The following ESR2 variants were observed in gnomAD, a reference collection of about 807,000 sequenced individuals.
ESR2 encodes the protein estrogen receptor beta.
Under a neutral mutation model 49.6 loss-of-function variants are expected in ESR2, and 36 were observed. The observed-to-expected ratio is 0.73, with a 90% CI of 0.56 to 0.96. The LOEUF is 0.96. ESR2 is among the 40% of genes least tolerant of loss of function. The probability of loss-of-function intolerance (pLI) is 0.00; values close to 1 mark genes in which losing one functional copy is unlikely to be tolerated. For synonymous variants in ESR2, 320 were observed against 266.1 expected (o/e 1.20, Z -1.97); for missense variants, 714 against 693.0 (o/e 1.03, Z -0.34).
upstream of ESR2, among the ~76,000 whole-genome samples, chr14:64,294,695 C>T (rs1037146653): frequency 1.3e-5 from 2 of 152,230 alleles, no homozygotes; most frequent in Admixed American, 6.5e-5. Context: ...GGATCACGTC[C>T]TCAGCCCCTG....
At chr14:64,236,034 G>C (rs1193915938) in intron 7 of ESR2, among the ~76,000 whole-genome samples, 1 of 152,248 alleles carries the variant, frequency 6.6e-6, no homozygotes, top group African/African-American at 2.4e-5. Context: ...CAACCAGGGA[G>C]CTGCTGAGTC....
At chr14:64,324,638 T>C (rs1212253816) in intron 1 of ESR2, among the ~76,000 whole-genome samples, 1 of 152,216 alleles carries the variant, frequency 6.6e-6, no homozygotes, top group African/African-American at 2.4e-5. Flanking sequence ...TTCATAAAGA[T>C]GATACAGCTG....
chr14:64,331,930 A>T (rs1467233256), intron 1 of ESR2, among the ~76,000 whole-genome samples: 1 of 151,940 alleles, frequency 6.6e-6, no homozygotes, highest in Non-Finnish European at 1.5e-5. Context: ...AAAAAAAATC[A>T]TGGTGTGTCA....
At chr14:64,284,278 A>G (rs1451045705) in intron 1 of ESR2, among the ~76,000 whole-genome samples, 2 of 151,436 alleles carry the variant, frequency 1.3e-5, no homozygotes, top group Non-Finnish European at 2.9e-5. Flanking sequence ...AAAAAACAGA[A>G]TTTTTGTATG....
rs751392863 is a variant in ESR2, at chr14:64,268,877, C to T, written c.570G>A (p.Gln190=). ...TGCGCCGGTTTTTATCGATTGTACA[C>T]TGATTTGTAGCTGGACAAATATAAT... ...HNDYICPATN[Q]CTIDKNRRKS... The change falls in exon 4 of 9, where the codon CAG becomes CAA. Residue 190 remains glutamine, a synonymous_variant. Transcript: ENST00000341099. The T allele has an allele frequency of 3.1e-6, 5 of 1,613,128 alleles. No homozygotes were observed. Among genetic ancestry groups the T allele is most frequent in the Non-Finnish European group, 4.2e-6 (5 of 1,179,114 alleles).
chr14:64,292,739 CTTA>C (rs2076892981), intron 1 of ESR2, among the ~76,000 whole-genome samples: 1 of 151,960 alleles, frequency 6.6e-6, no homozygotes, highest in South Asian at 2.1e-4. Context: ...AAATTTCCTT[CTTA>C]TTCTTAAAAG....
chr14:64,233,415 C>T, intron 8 of ESR2, 92 bp from the exon 9 acceptor site: 1 of 1,251,958 alleles, frequency 8.0e-7, no homozygotes, highest in Non-Finnish European at 1.1e-6. Flanking sequence ...CAGAGCCAGT[C>T]TACCCCACCC....
intron 7 of ESR2, among the ~76,000 whole-genome samples, chr14:64,248,225 T>C (rs2075907478): frequency 6.6e-6 from 1 of 151,356 alleles, no homozygotes; most frequent in South Asian, 2.1e-4. Flanking sequence ...AGATACAGAC[T>C]GTGCACAGTG....
intron 1 of ESR2, among the ~76,000 whole-genome samples, chr14:64,293,011 A>C (rs1322619569): frequency 1.3e-5 from 2 of 152,226 alleles, no homozygotes; most frequent in African/African-American, 4.8e-5. Flanking sequence ...TCATCTAAAA[A>C]AATGCTTGAA....
In ESR2 at chr14:64,229,962, G is replaced by A. The variant is rs546535256; in HGVS notation, c.*3175C>T. On this transcript the variant is annotated 3_prime_UTR_variant, in exon 9 of 9. Coordinates refer to ENST00000341099, the MANE Select transcript of ESR2 (RefSeq NM_001437.3). ...GGGAGGCCTTGGCAGGCAGATCGCTGGAGCCCAGGAGTTCAGGACCAGCCT... is the reference window on the plus strand; with the variant it reads ...GGGAGGCCTTGGCAGGCAGATCGCTAGAGCCCAGGAGTTCAGGACCAGCCT... Among the ~76,000 whole-genome samples the A allele has an allele frequency of 6.6e-6, 1 of 152,212 alleles. No homozygotes were observed. The highest frequency in any genetic ancestry group is 2.1e-4 in the South Asian group (1 of 4,818).
chr14:64,237,563 G>A (rs1408987451), intron 7 of ESR2, among the ~76,000 whole-genome samples: 2 of 152,152 alleles, frequency 1.3e-5, no homozygotes, highest in African/African-American at 2.4e-5. Flanking sequence ...AAGTGACAAA[G>A]ATTGAAAATA....
At chr14:64,273,752 T>C (rs1484203125) in intron 3 of ESR2, among the ~76,000 whole-genome samples, 2 of 152,182 alleles carry the variant, frequency 1.3e-5, no homozygotes, top group Non-Finnish European at 2.9e-5. Context: ...TGGTCTGTCA[T>C]ATTCTTTTGA....
chr14:64,290,387 T>G (rs968259835), intron 1 of ESR2, among the ~76,000 whole-genome samples: 1 of 150,804 alleles, frequency 6.6e-6, no homozygotes, highest in Non-Finnish European at 1.5e-5. Flanking sequence ...TATCTTTAAA[T>G]GTATTCTTAT....
In ESR2 at chr14:64,260,743, G is replaced by A. The variant is rs2076203572; in HGVS notation, c.658C>T (p.Arg220Trp). 5 of 1,480,414 alleles carry A rather than the reference G, an allele frequency of 3.4e-6. No individual in the cohort carries two copies. The South Asian group carries it at 4.3e-5, about 13-fold the overall frequency. The allele number at this position is 1,480,414 out of a possible 1,614,324, so 91.7% of individuals were successfully genotyped here. ...YEVGMVKCGS[R>W]RERCGYRLVR... ...AGGCGGTACCCACATCTCTCTCTCCGGGAGCCTGAAGAGGAAAGCAGAGTC... is the reference window on the plus strand; with the variant it reads ...AGGCGGTACCCACATCTCTCTCTCCAGGAGCCTGAAGAGGAAAGCAGAGTC... The change falls in exon 5 of 9, where the codon CGG becomes TGG. Residue 220 changes from arginine to tryptophan, a missense_variant. Physicochemically the swap from Arg to Trp is moderately radical, Grantham distance 101. Coordinates refer to ENST00000341099, the MANE Select transcript of ESR2 (RefSeq NM_001437.3).
At chr14:64,291,677 C>A (rs1389195015) in intron 1 of ESR2, among the ~76,000 whole-genome samples, 1 of 152,142 alleles carries the variant, frequency 6.6e-6, no homozygotes, top group Non-Finnish European at 1.5e-5. Context: ...ATCTAGACTT[C>A]AAGACATGAG....
chr14:64,280,029 C>A lies in ESR2; in HGVS notation c.487G>T (p.Val163Phe). The A allele has an allele frequency of 1.9e-6, 3 of 1,614,196 alleles. No homozygotes were observed. The highest frequency in any genetic ancestry group is 1.7e-6 in the Non-Finnish European group (2 of 1,180,004). Reference protein sequence around the residue: ...SDYASGYHYGVWSCEGCKAFF... With the variant: ...SDYASGYHYGFWSCEGCKAFF... ...GCCTTACATCCTTCACACGACCAGACTCCATAGTGATATCCCGATGCGTAA... is the reference window on the plus strand; with the variant it reads ...GCCTTACATCCTTCACACGACCAGAATCCATAGTGATATCCCGATGCGTAA... Residue 163 changes from valine (V) to phenylalanine (F), a missense_variant, in exon 3 of 9, where the codon GTC becomes TTC. Physicochemically the swap from Val to Phe is conservative, Grantham distance 50. Transcript: ENST00000341099.
At chr14:64,281,459 A>C (rs1356320632) in intron 2 of ESR2, among the ~76,000 whole-genome samples, 1 of 152,142 alleles carries the variant, frequency 6.6e-6, no homozygotes, top group East Asian at 1.9e-4. Flanking sequence ...GAAAAAAAAA[A>C]CAAACCATTA....
At chr14:64,249,805 T>A in intron 6 of ESR2, 126 bp from the exon 7 acceptor site, 3 of 943,326 alleles carry the variant, frequency 3.2e-6, no homozygotes, top group Non-Finnish European at 4.7e-6. Context: ...AATATCATTT[T>A]AACTACAACA....
intron 1 of ESR2, among the ~76,000 whole-genome samples, chr14:64,292,943 C>A (rs1567784148): frequency 6.6e-6 from 1 of 152,114 alleles, no homozygotes; most frequent in East Asian, 1.9e-4. Context: ...ATGTCTTGAG[C>A]AAGACTTAAG....
Sources: allele counts gnomAD v4.1 joint callset (sites outside exome capture counted in the v4.1 genomes callset), GRCh38; gene constraint gnomAD v4.1.1; transcripts MANE v1.5; gene names NCBI Gene and HGNC (gene_info 2026-07-23, HGNC 2026-07-21).